Variants in RIMS1 observed in about 807,000 individuals in gnomAD.
RIMS1 encodes regulating synaptic membrane exocytosis 1.
Under a neutral mutation model 214.1 loss-of-function variants are expected in RIMS1, and 83 were observed. The ratio of observed to expected loss-of-function variants is 0.39; its 90% CI spans 0.32 to 0.47. The LOEUF is 0.47. RIMS1 is among the 20% of genes least tolerant of loss of function. The pLI, the probability that RIMS1 is intolerant of heterozygous loss-of-function variation, is 0.99. For missense variants in RIMS1, 2,050 were observed against 2,161.8 expected, an observed-to-expected ratio of 0.95 and a Z score of 1.03; for synonymous variants, 793 against 786.8, an observed-to-expected ratio of 1.01 and a Z score of -0.13.
intron 1 of RIMS1, among the ~76,000 whole-genome samples, chr6:71,923,922 T>G (rs1780793604): frequency 6.6e-6 from 1 of 152,174 alleles, no homozygotes; most frequent in South Asian, 2.1e-4. Flanking sequence ...ATTTTGATGC[T>G]TTTTCTGCTT....
intron 2 of RIMS1, among the ~76,000 whole-genome samples, chr6:72,080,523 G>A (rs1833102936): frequency 6.6e-6 from 1 of 152,172 alleles, no homozygotes. Flanking sequence ...GTATGAAAAT[G>A]TAAGTCCAGT....
In RIMS1 at chr6:72,198,744, G is replaced by T. The variant is rs2496521; in HGVS notation, c.1678+15595G>T. On this transcript the variant is annotated intron_variant, in intron 6 of 33. Transcript: ENST00000521978. ...TGACTTGGTCATTACATATGCTATG[G>T]GTGTAACAAAATAGTACATGTACCT... 1.6e-4 allele frequency among the ~76,000 whole-genome samples: 25 copies of T among 151,936 alleles called. No homozygotes were observed. In the East Asian group the frequency reaches 3.7e-3, roughly 22 times the overall value.
intron 31 of RIMS1, among the ~76,000 whole-genome samples, chr6:72,397,245 A>ATTATGAAACAAATATTT (rs1171502604): frequency 6.6e-6 from 1 of 152,224 alleles, no homozygotes; most frequent in Non-Finnish European, 1.5e-5. Context: ...AGACATGAAA[A>ATTATGAAACAAATATTT]TTATGAAACA....
At chr6:72,188,748 C>T (rs1206080372) in intron 6 of RIMS1, among the ~76,000 whole-genome samples, 2 of 152,210 alleles carry the variant, frequency 1.3e-5, no homozygotes, top group Non-Finnish European at 2.9e-5. Flanking sequence ...CTGGATTGGG[C>T]TGTTGTAGTT....
chr6:72,233,667 A>C, intron 6 of RIMS1, 106 bp from the exon 7 acceptor site: 1 of 841,936 alleles, frequency 1.2e-6, no homozygotes, highest in Non-Finnish European at 2.0e-6. Context: ...GTACACGCTC[A>C]AGCTTATGAT....
intron 29 of RIMS1, among the ~76,000 whole-genome samples, chr6:72,372,450 A>G (rs1450851146): frequency 6.6e-6 from 1 of 152,152 alleles, no homozygotes; most frequent in Non-Finnish European, 1.5e-5. Context: ...TGGTAGGTGA[A>G]ACATTAAAAT....
At chr6:71,937,677 G>C (rs1255835927) in intron 1 of RIMS1, among the ~76,000 whole-genome samples, 1 of 152,054 alleles carries the variant, frequency 6.6e-6, no homozygotes, top group Non-Finnish European at 1.5e-5. Context: ...GGGAAAATGG[G>C]GGCTGAACTC....
At chr6:71,899,508 A>G (rs1002610129) in intron 1 of RIMS1, among the ~76,000 whole-genome samples, 5 of 151,984 alleles carry the variant, frequency 3.3e-5, no homozygotes, top group African/African-American at 7.2e-5. Context: ...ACACACATAT[A>G]TATATATACT....
chr6:72,242,382 AT>A lies in RIMS1; in HGVS notation c.2030del (p.Leu677Ter). 1 of 1,562,714 alleles carries A rather than the reference AT, an allele frequency of 6.4e-7. No individual in the cohort carries two copies. Among genetic ancestry groups the A allele is most frequent in the Non-Finnish European group, 8.7e-7 (1 of 1,151,404 alleles). On this transcript the variant is annotated frameshift_variant, in exon 10 of 34. Coordinates refer to ENST00000521978, the MANE Select transcript of RIMS1 (RefSeq NM_014989.7). LOFTEE classifies it high-confidence loss of function. Reference sequence around the variant, plus strand: ...TACAAATGAAGAAGTTTACAACATTATTTTAGAATCAAAATCAGAACCTCAA... The same window carrying A: ...TACAAATGAAGAAGTTTACAACATTATTTAGAATCAAAATCAGAACCTCAA... ...GATNEEVYNI[I>X]LESKSEPQVE...
chr6:72,035,937 T>C (rs1819505477), intron 2 of RIMS1, among the ~76,000 whole-genome samples: 2 of 152,130 alleles, frequency 1.3e-5, no homozygotes, highest in Non-Finnish European at 2.9e-5. Context: ...AAAATAATAA[T>C]AGTAAAGTAG....
intron 1 of RIMS1, among the ~76,000 whole-genome samples, chr6:71,941,570 T>C (rs1228612485): frequency 6.6e-6 from 1 of 152,234 alleles, no homozygotes; most frequent in East Asian, 1.9e-4. Context: ...TGCCATCTTC[T>C]GAGTTCTCTC....
At chr6:71,996,088 T>C (rs1803329566) in intron 2 of RIMS1, among the ~76,000 whole-genome samples, 1 of 152,156 alleles carries the variant, frequency 6.6e-6, no homozygotes, top group African/African-American at 2.4e-5. Flanking sequence ...ACATCTATTC[T>C]TTTAAGGATA....
chr6:72,145,602 C>T (rs1588019034), intron 4 of RIMS1, among the ~76,000 whole-genome samples: 1 of 152,000 alleles, frequency 6.6e-6, no homozygotes, highest in East Asian at 1.9e-4. Context: ...CAGAGTGAGA[C>T]TCCATCTCAA....
At chr6:72,209,478 A>T (rs1973843) in intron 6 of RIMS1, among the ~76,000 whole-genome samples, 4 of 152,066 alleles carry the variant, frequency 2.6e-5, no homozygotes, top group Non-Finnish European at 5.9e-5. Context: ...TTTGCCTTCT[A>T]TCTTGTTATT....
intron 6 of RIMS1, among the ~76,000 whole-genome samples, chr6:72,212,263 C>A (rs2053950687): frequency 6.6e-6 from 1 of 151,220 alleles, no homozygotes; most frequent in Admixed American, 6.6e-5. Context: ...AGGTACAGCT[C>A]TTCATATTTC....
chr6:71,919,865 G>A (rs535651130), intron 1 of RIMS1, among the ~76,000 whole-genome samples: 1 of 152,258 alleles, frequency 6.6e-6, no homozygotes, highest in South Asian at 2.1e-4. Context: ...TATGTTGCTG[G>A]ATTTTGATCC....
chr6:72,005,017 GTCTT>G (rs1208845360), intron 2 of RIMS1, among the ~76,000 whole-genome samples: 2 of 151,686 alleles, frequency 1.3e-5, no homozygotes, highest in Non-Finnish European at 3.0e-5. Context: ...TAACATTTAA[GTCTT>G]TAATCCATCT....
chr6:72,121,505 A>G (rs1179771411), intron 4 of RIMS1, among the ~76,000 whole-genome samples: 1 of 151,906 alleles, frequency 6.6e-6, no homozygotes, highest in Non-Finnish European at 1.5e-5. Context: ...TTGATTTTGC[A>G]TCCTGAGACT....
chr6:72,240,568 T>C (rs151330164), intron 9 of RIMS1, among the ~76,000 whole-genome samples: 78 of 150,916 alleles, frequency 5.2e-4, no homozygotes, highest in African/African-American at 1.8e-3. Context: ...TGTTTCTTGG[T>C]CAAAATATTT....
Sources: allele counts gnomAD v4.1 joint callset (sites outside exome capture counted in the v4.1 genomes callset), GRCh38; gene constraint gnomAD v4.1.1; transcripts MANE v1.5; gene names NCBI Gene and HGNC (gene_info 2026-07-23, HGNC 2026-07-21).